The following PPP3CA variants were observed in gnomAD, a reference collection of about 807,000 sequenced individuals.
PPP3CA encodes protein phosphatase 3 catalytic subunit alpha.
Under a neutral mutation model 66.5 loss-of-function variants are expected in PPP3CA, and 14 were observed. That is an observed-to-expected ratio of 0.21 (90% CI 0.14 to 0.33). PPP3CA has a LOEUF of 0.33. PPP3CA is among the 10% of genes least tolerant of loss of function. The pLI, the probability that PPP3CA is intolerant of heterozygous loss-of-function variation, is 1.00. For synonymous variants in PPP3CA, 232 were observed against 226.2 expected, an observed-to-expected ratio of 1.03 and a Z score of -0.23; for missense variants, 317 against 639.5, an observed-to-expected ratio of 0.50 and a Z score of 5.44.
At chr4:101,329,183 G>C (rs1578196633) in intron 1 of PPP3CA, among the ~76,000 whole-genome samples, 1 of 152,164 alleles carries the variant, frequency 6.6e-6, no homozygotes, top group East Asian at 1.9e-4. Context: ...GTGCTACCTA[G>C]TGAACACACA....
At chr4:101,240,837 G>A (rs1265807580) in intron 1 of PPP3CA, 1 of 152,006 alleles carries the variant, frequency 6.6e-6, no homozygotes, top group African/African-American at 2.4e-5. Flanking sequence ...AACATGCAGA[G>A]GCAACAATAT....
chr4:101,161,896 T>G (rs183768727), intron 2 of PPP3CA, among the ~76,000 whole-genome samples: 1 of 152,094 alleles, frequency 6.6e-6, no homozygotes. Context: ...CTTGGCTATA[T>G]ATACATTCTA....
intron 2 of PPP3CA, among the ~76,000 whole-genome samples, chr4:101,176,414 C>T (rs138702158): frequency 7.2e-5 from 11 of 152,220 alleles, no homozygotes; most frequent in East Asian, 5.8e-4. Flanking sequence ...AAAGAAGGGT[C>T]GGGGGACCTG....
chr4:101,279,294 G>A (rs183141529), intron 1 of PPP3CA, among the ~76,000 whole-genome samples: 61 of 152,268 alleles, frequency 4.0e-4, no homozygotes, highest in African/African-American at 1.1e-3. Flanking sequence ...AGAGGTTCAA[G>A]GTGAGAAACA....
intron 13 of PPP3CA, among the ~76,000 whole-genome samples, chr4:101,027,410 T>TC (rs1039609799): frequency 2.0e-5 from 3 of 151,988 alleles, no homozygotes; most frequent in African/African-American, 7.3e-5. Flanking sequence ...AAATAGTTTT[T>TC]CCCCCCTCTG....
In PPP3CA at chr4:101,090,595, T is replaced by C. The variant is rs550568214; in HGVS notation, c.782+3181A>G. Among the ~76,000 whole-genome samples the C allele has an allele frequency of 5.5e-5, 7 of 126,990 alleles. No homozygotes were observed. In the South Asian group the frequency reaches 7.2e-4, roughly 13 times the overall value. 83.3% of individuals were successfully genotyped at this position (126,990 alleles called of 152,430 possible). A position where few individuals can be genotyped will look rare whatever the true frequency, so the allele number is the denominator to read the frequency against. The stretch of plus-strand genomic sequence containing the variant: ...AGGTGGAGGTTGTGGTGAGCCGAGA[T>C]CGCACCACTGCACTCCAGCCTGGGT... On this transcript the variant is annotated intron_variant, in intron 6 of 13. Transcript: ENST00000394854.
In PPP3CA at chr4:101,263,718, C is replaced by G. The variant is rs1479563466; in HGVS notation, c.59-67602G>C. Among the ~76,000 whole-genome samples, 3 of 151,758 alleles carry G rather than the reference C, an allele frequency of 2.0e-5. No individual in the cohort carries two copies. The East Asian group carries it at 5.8e-4, about 29-fold the overall frequency. ...CACTAGAAGCATCTCTCCAGACTGA[C>G]AGGGGTCTATTGATTAAATTGTCAG... On this transcript the variant is annotated intron_variant, in intron 1 of 13. Transcript: ENST00000394854.
intron 2 of PPP3CA, among the ~76,000 whole-genome samples, chr4:101,165,423 A>AAGAC (rs3077963): frequency 0.15 from 22,627 of 152,032 alleles, 2,305 homozygotes; most frequent in East Asian, 0.3. Context: ...TACAATCTTT[A>AAGAC]AGACAGATTC....
At chr4:101,187,038 A>C (rs1724433206) in intron 2 of PPP3CA, among the ~76,000 whole-genome samples, 1 of 152,174 alleles carries the variant, frequency 6.6e-6, no homozygotes, top group South Asian at 2.1e-4. Flanking sequence ...GCTGAGATTT[A>C]AAGAGGTGAA....
At chr4:101,313,760 T>C (rs1344018726) in intron 1 of PPP3CA, among the ~76,000 whole-genome samples, 3 of 152,192 alleles carry the variant, frequency 2.0e-5, no homozygotes, top group Non-Finnish European at 4.4e-5. Flanking sequence ...TATAAGCAAA[T>C]GGCTAACCTG....
intron 13 of PPP3CA, among the ~76,000 whole-genome samples, chr4:101,027,851 A>T (rs114388669): frequency 0.013 from 1,949 of 152,298 alleles, 23 homozygotes; most frequent in Non-Finnish European, 0.021. Flanking sequence ...TCATCCTGGT[A>T]TGGAAGAATG....
intron 1 of PPP3CA, among the ~76,000 whole-genome samples, chr4:101,254,351 T>C (rs1726772932): frequency 6.6e-6 from 1 of 152,002 alleles, no homozygotes; most frequent in South Asian, 2.1e-4. Context: ...ATTCTGCTAG[T>C]TATAGAATGT....
intron 2 of PPP3CA, among the ~76,000 whole-genome samples, chr4:101,133,624 C>T (rs993798662): frequency 4.6e-5 from 7 of 152,146 alleles, no homozygotes; most frequent in African/African-American, 1.7e-4. Flanking sequence ...ACATTCCATG[C>T]TCATGGATAG....
At chr4:101,223,418 G>A (rs188207991) in intron 1 of PPP3CA, among the ~76,000 whole-genome samples, 1 of 151,726 alleles carries the variant, frequency 6.6e-6, no homozygotes, top group African/African-American at 2.4e-5. Context: ...AGACCTCTAA[G>A]GCACAGACAG....
chr4:101,077,256 A>AT (rs750888649), intron 8 of PPP3CA, among the ~76,000 whole-genome samples: 21 of 152,314 alleles, frequency 1.4e-4, no homozygotes, highest in Admixed American at 9.2e-4. Context: ...GAATAAACCT[A>AT]TTTTTCTCAC....
At chr4:101,159,105 G>A (rs1317217083) in intron 2 of PPP3CA, among the ~76,000 whole-genome samples, 1 of 152,142 alleles carries the variant, frequency 6.6e-6, no homozygotes, top group East Asian at 1.9e-4. Flanking sequence ...GAGGCTCAGC[G>A]AGTTTTAGGT....
chr4:101,146,693 G>A (rs1043875765), intron 2 of PPP3CA, among the ~76,000 whole-genome samples: 1 of 152,048 alleles, frequency 6.6e-6, no homozygotes, highest in Non-Finnish European at 1.5e-5. Context: ...TGCCCACCTC[G>A]GCTTTCCAAA....
At chr4:101,238,865 C>T (rs1253021449) in intron 1 of PPP3CA, among the ~76,000 whole-genome samples, 2 of 152,048 alleles carry the variant, frequency 1.3e-5, no homozygotes, top group African/African-American at 4.8e-5. Context: ...TTTTGAATGT[C>T]TTACACAATT....
intron 2 of PPP3CA, among the ~76,000 whole-genome samples, chr4:101,113,978 A>G (rs1721762266): frequency 6.6e-6 from 1 of 152,112 alleles, no homozygotes; most frequent in African/African-American, 2.4e-5. Flanking sequence ...CCAGGCTCTG[A>G]CAATTTTTTT....
Sources: gnomAD v4.1 joint callset for allele counts (sites outside exome capture counted in the v4.1 genomes callset) on GRCh38, gnomAD v4.1.1 for gene constraint, MANE v1.5 for transcripts, NCBI Gene and HGNC (gene_info 2026-07-23, HGNC 2026-07-21) for gene names.